KIF27: variants seen among roughly 807,000 people sequenced by gnomAD.
KIF27 encodes kinesin-like protein KIF27.
In KIF27, 84 loss-of-function variants were observed where a neutral mutation model predicts 141.8. The observed-to-expected ratio is 0.59, with a 90% CI of 0.50 to 0.71. The LOEUF (loss-of-function observed/expected upper bound fraction) is 0.71, where lower values mean the gene tolerates loss of function less well. Ranked by LOEUF, KIF27 falls within the 30% of genes least tolerant of loss-of-function variation. The pLI, the probability that KIF27 is intolerant of heterozygous loss-of-function variation, is 0.00. For synonymous variants in KIF27, 471 were observed against 569.5 expected (o/e 0.83, Z 2.46); for missense variants, 1,306 against 1,628.4 (o/e 0.80, Z 3.41).
At chr9:83,889,593 A>G (rs2778373) in intron 6 of KIF27, among the ~76,000 whole-genome samples, 45,678 of 147,148 alleles carry the variant, frequency 0.31, 7,464 homozygotes, top group African/African-American at 0.4. Flanking sequence ...CAACAAATGT[A>G]CCCTCTTCCC....
At chr9:83,858,885 G>C (rs1949563325) in intron 14 of KIF27, 1 of 444,052 alleles carries the variant, frequency 2.3e-6, no homozygotes, top group Non-Finnish European at 4.1e-6. Context: ...CAGCTGAGGA[G>C]GCAAATATAC....
chr9:83,872,958 G>T (rs1283537112), intron 11 of KIF27, among the ~76,000 whole-genome samples: 2 of 152,218 alleles, frequency 1.3e-5, no homozygotes, highest in Non-Finnish European at 2.9e-5. Context: ...AGAGACCCCA[G>T]TTGGACTCCT....
intron 3 of KIF27, among the ~76,000 whole-genome samples, chr9:83,904,265 AC>A (rs1304281403): frequency 6.6e-6 from 1 of 152,252 alleles, no homozygotes; most frequent in East Asian, 1.9e-4. Context: ...TTTTGAAAAA[AC>A]AATCTAGTTT....
Position 83,873,837 on chromosome 9 carries a change from C to T in KIF27, c.2644-3205G>A, listed in dbSNP as rs554982159. ...GGCCAAGGCGGGTAGATCACAAGGTCAGGAGATCGAGACCATCCTAGCTAA... is the reference window on the plus strand; with the variant it reads ...GGCCAAGGCGGGTAGATCACAAGGTTAGGAGATCGAGACCATCCTAGCTAA... On this transcript the variant is annotated intron_variant, in intron 11 of 17. Transcript: ENST00000297814. Among the ~76,000 whole-genome samples, 3 of 152,236 alleles carry T rather than the reference C, an allele frequency of 2.0e-5. No individual in the cohort carries two copies. In the East Asian group the frequency reaches 5.8e-4, roughly 29 times the overall value.
chr9:83,910,590 G>A (rs1955049747), intron 2 of KIF27, among the ~76,000 whole-genome samples: 1 of 152,328 alleles, frequency 6.6e-6, no homozygotes, highest in Non-Finnish European at 1.5e-5. Context: ...AGCCAGAGTT[G>A]ATGGCGACAG....
intron 13 of KIF27, chr9:83,859,940 C>T: frequency 6.6e-6 from 1 of 151,808 alleles, no homozygotes; most frequent in Non-Finnish European, 1.5e-5. Context: ...TTTTCAGAGG[C>T]AGTATTTTTC....
intron 8 of KIF27, among the ~76,000 whole-genome samples, chr9:83,887,485 T>A (rs1461366379): frequency 6.6e-6 from 1 of 152,232 alleles, no homozygotes; most frequent in Non-Finnish European, 1.5e-5. Flanking sequence ...CATGAGTTAT[T>A]TGAGATAGGT....
intron 11 of KIF27, among the ~76,000 whole-genome samples, chr9:83,871,665 T>C (rs1950805752): frequency 1.3e-5 from 2 of 152,094 alleles, no homozygotes; most frequent in African/African-American, 4.8e-5. Flanking sequence ...ATGAAGTGCA[T>C]TTTCCAAATT....
intron 3 of KIF27, among the ~76,000 whole-genome samples, chr9:83,905,376 C>T (rs986345878): frequency 1.3e-5 from 2 of 152,092 alleles, no homozygotes; most frequent in African/African-American, 4.8e-5. Flanking sequence ...CCTCGGCCTC[C>T]CAAAGTGCTG....
At chr9:83,910,010 G>T (rs1250707219) in intron 2 of KIF27, among the ~76,000 whole-genome samples, 1 of 152,078 alleles carries the variant, frequency 6.6e-6, no homozygotes, top group East Asian at 1.9e-4. Flanking sequence ...GTTGCAGTGA[G>T]CCAGGAGACA....
intron 9 of KIF27, among the ~76,000 whole-genome samples, chr9:83,885,503 T>C (rs2132273990): frequency 1.3e-5 from 2 of 152,382 alleles, no homozygotes; most frequent in East Asian, 3.8e-4. Flanking sequence ...CTCTAATTTA[T>C]GATTACTTGA....
intron 17 of KIF27, 21 bp downstream of exon 17, chr9:83,842,216 T>C (rs770180503): frequency 2.0e-6 from 3 of 1,517,134 alleles, no homozygotes; most frequent in Non-Finnish European, 2.6e-6. Context: ...GTGTTAAGAG[T>C]GACAACACTA....
rs1954201850 is a variant in KIF27 at position 83,903,847 on chromosome 9, G to A, written c.671C>T (p.Ala224Val). The A allele has an allele frequency of 1.2e-6, 2 of 1,613,978 alleles. No homozygotes were observed. Among genetic ancestry groups the A allele is most frequent in the Admixed American group, 1.7e-5 (1 of 59,976 alleles). The change falls in exon 4 of 18, where the codon GCA becomes GTA. Residue 224 changes from alanine (A) to valine (V), a missense_variant. Ala to Val is a moderately conservative substitution (Grantham distance 64). Transcript: ENST00000297814. The stretch of plus-strand genomic sequence containing the variant: ...GGAATACCATGATCCATCTTCAGCT[G>A]CCTCCATATTTTTATGAACTTGACA... ...SICQVHKNME[A>V]AEDGSWYSPR...
In KIF27 at chr9:83,865,028, G is replaced by GTA. The variant is rs112656542; in HGVS notation, c.2934+2654_2934+2655dup. 6.6e-5 allele frequency among the ~76,000 whole-genome samples: 10 copies of GTA among 152,094 alleles called. 1 individual carries two copies. Among genetic ancestry groups the GTA allele is most frequent in the African/African-American group, 2.4e-4 (10 of 41,492 alleles). ...CCTTTTTTTGTTTTCCATTTGCTTG[G>GTA]TATATCTTCCTCCATCCCTTTATTT... On this transcript the variant is annotated intron_variant, in intron 13 of 17. Transcript: ENST00000297814.
chr9:83,857,393 A>G (rs979200583), intron 14 of KIF27, among the ~76,000 whole-genome samples: 2 of 152,144 alleles, frequency 1.3e-5, no homozygotes, highest in African/African-American at 4.8e-5. Context: ...GCAGAGCCTC[A>G]CTTGAGAGGT....
chr9:83,851,030 G>T (rs1197998418), intron 15 of KIF27, among the ~76,000 whole-genome samples: 1 of 150,890 alleles, frequency 6.6e-6, no homozygotes, highest in Non-Finnish European at 1.5e-5. Flanking sequence ...TACAGATGGG[G>T]TTTCACCGTG....
At chr9:83,878,338 G>A (rs1206487927) in intron 11 of KIF27, among the ~76,000 whole-genome samples, 1 of 151,932 alleles carries the variant, frequency 6.6e-6, no homozygotes, top group East Asian at 1.9e-4. Context: ...GGAGAACAGT[G>A]GTTTCTCAGA....
chr9:83,882,503 A>C (rs1951761321), intron 10 of KIF27, among the ~76,000 whole-genome samples: 1 of 152,234 alleles, frequency 6.6e-6, no homozygotes, highest in African/African-American at 2.4e-5. Context: ...CAAAGGATTA[A>C]ATAATGCGTA....
intron 5 of KIF27, among the ~76,000 whole-genome samples, chr9:83,897,898 A>T (rs1270996396): frequency 2.0e-5 from 3 of 152,210 alleles, no homozygotes; most frequent in Non-Finnish European, 2.9e-5. Context: ...GCCACAATAA[A>T]ATACTACATG....
Sources: allele counts gnomAD v4.1 joint callset (sites outside exome capture counted in the v4.1 genomes callset), GRCh38; gene constraint gnomAD v4.1.1; transcripts MANE v1.5; gene names NCBI Gene and HGNC (gene_info 2026-07-23, HGNC 2026-07-21).